Variants in EPHA3 observed in about 807,000 individuals in gnomAD.
EPHA3 encodes EPH receptor A3, also known as ephrin type-A receptor 3.
Under a neutral mutation model 107.1 loss-of-function variants are expected in EPHA3, and 42 were observed. The observed-to-expected ratio is 0.39, with a 90% CI of 0.31 to 0.51. The LOEUF (loss-of-function observed/expected upper bound fraction) is 0.51, where lower values mean the gene tolerates loss of function less well. Ranked by LOEUF, EPHA3 falls within the 20% of genes least tolerant of loss-of-function variation. The pLI is 0.78. For missense variants in EPHA3, 1,183 were observed against 1,211.2 expected (o/e 0.98, Z 0.35); for synonymous variants, 461 against 424.8 (o/e 1.09, Z -1.05).
intron 3 of EPHA3, among the ~76,000 whole-genome samples, chr3:89,266,839 T>C (rs780220560): frequency 2.6e-5 from 4 of 152,074 alleles, no homozygotes; most frequent in Non-Finnish European, 2.9e-5. Flanking sequence ...TATGATCACA[T>C]ACCAAATACA....
chr3:89,338,401 G>T (rs1349602188), intron 3 of EPHA3, among the ~76,000 whole-genome samples: 1 of 152,194 alleles, frequency 6.6e-6, no homozygotes, highest in Non-Finnish European at 1.5e-5. Flanking sequence ...CAATCACAAT[G>T]AAGTGATTGC....
intron 2 of EPHA3, among the ~76,000 whole-genome samples, chr3:89,209,455 T>A (rs1223479703): frequency 3.3e-5 from 5 of 152,174 alleles, no homozygotes; most frequent in Non-Finnish European, 5.9e-5. Flanking sequence ...TGGCACAAAT[T>A]GGGAAAAGAT....
rs565897036 is a variant in EPHA3, at chr3:89,209,933, A to T, written c.227A>T (p.His76Leu). The change falls in exon 3 of 17, where the codon CAC (histidine) becomes CTC (leucine). Residue 76 changes from histidine to leucine, a missense_variant. Coordinates refer to ENST00000336596, the MANE Select transcript of EPHA3 (RefSeq NM_005233.6). ...RTYQVCNVMD[H>L]SQNNWLRTNW... The stretch of plus-strand genomic sequence containing the variant: ...TACCAGGTGTGCAATGTCATGGACC[A>T]CAGTCAAAACAATTGGCTGAGAACA... The T allele has an allele frequency of 2.5e-6, 4 of 1,613,840 alleles. No individual in the cohort carries two copies. In the South Asian group the frequency reaches 3.3e-5, roughly 13 times the overall value.
chr3:89,425,209 C>CA (rs201001215), intron 11 of EPHA3, among the ~76,000 whole-genome samples: 2,154 of 148,674 alleles, frequency 0.014, 19 homozygotes, highest in Non-Finnish European at 0.021. Context: ...AAGAAACCCA[C>CA]AAAAAAAAAT....
At chr3:89,418,822 A>G (rs1205237533) in intron 10 of EPHA3, among the ~76,000 whole-genome samples, 4 of 151,472 alleles carry the variant, frequency 2.6e-5, no homozygotes, top group Non-Finnish European at 4.4e-5. Flanking sequence ...ATTTAATCCA[A>G]TGCTCACATT....
At chr3:89,139,506 C>A (rs537278655) in intron 2 of EPHA3, among the ~76,000 whole-genome samples, 16 of 151,804 alleles carry the variant, frequency 1.1e-4, no homozygotes, top group Admixed American at 6.6e-4. Flanking sequence ...GAAAAGGCAG[C>A]AAATAAGCCA....
chr3:89,369,003 T>C (rs2107468113), intron 5 of EPHA3, among the ~76,000 whole-genome samples: 1 of 150,624 alleles, frequency 6.6e-6, no homozygotes, highest in African/African-American at 2.4e-5. Flanking sequence ...TGACTCACAA[T>C]TTGAACTCAA....
intron 2 of EPHA3, among the ~76,000 whole-genome samples, chr3:89,193,402 A>T (rs538075185): frequency 2.2e-4 from 33 of 152,152 alleles, no homozygotes; most frequent in African/African-American, 7.7e-4. Flanking sequence ...TATTTTTCAC[A>T]ATTCAATTTG....
chr3:89,256,895 T>A (rs1378307884), intron 3 of EPHA3, among the ~76,000 whole-genome samples: 1 of 152,196 alleles, frequency 6.6e-6, no homozygotes, highest in Non-Finnish European at 1.5e-5. Context: ...TATGAGCACA[T>A]GTCCTTAGAG....
chr3:89,151,266 G>A (rs892769991), intron 2 of EPHA3, among the ~76,000 whole-genome samples: 3 of 152,052 alleles, frequency 2.0e-5, no homozygotes, highest in African/African-American at 4.8e-5. Flanking sequence ...GACATTCAGA[G>A]AATGTTTCAT....
intron 2 of EPHA3, among the ~76,000 whole-genome samples, chr3:89,177,012 A>G (rs1559586734): frequency 6.6e-6 from 1 of 152,046 alleles, no homozygotes; most frequent in Non-Finnish European, 1.5e-5. Flanking sequence ...TTTCTTAGAC[A>G]TTGACTAATT....
At chr3:89,345,787 C>A (rs1296861587) in intron 5 of EPHA3, among the ~76,000 whole-genome samples, 1 of 120,710 alleles carries the variant, frequency 8.3e-6, no homozygotes, top group Non-Finnish European at 1.7e-5. Flanking sequence ...CCACCACAGT[C>A]CCCAGAGTGT....
At chr3:89,277,924 T>TA (rs922105159) in intron 3 of EPHA3, among the ~76,000 whole-genome samples, 9 of 152,206 alleles carry the variant, frequency 5.9e-5, no homozygotes, top group African/African-American at 1.7e-4. Flanking sequence ...GTTTAACTCT[T>TA]ACTTCTCATA....
chr3:89,354,540 A>T (rs1479991830), intron 5 of EPHA3, among the ~76,000 whole-genome samples: 1 of 151,248 alleles, frequency 6.6e-6, no homozygotes, highest in Non-Finnish European at 1.5e-5. Context: ...TGCAATAAGT[A>T]TCCAAATTAC....
At chr3:89,411,666 G>T (rs536520994) in intron 9 of EPHA3, among the ~76,000 whole-genome samples, 85 of 151,964 alleles carry the variant, frequency 5.6e-4, no homozygotes, top group Admixed American at 3.9e-3. Flanking sequence ...TGGGTTTCAT[G>T]AAGTTGTCTT....
intron 2 of EPHA3, among the ~76,000 whole-genome samples, chr3:89,128,207 T>TA (rs1704132800): frequency 6.6e-6 from 1 of 152,122 alleles, no homozygotes; most frequent in Non-Finnish European, 1.5e-5. Flanking sequence ...ACACAATTTT[T>TA]TGATAGCACC....
chr3:89,374,815 T>C (rs1708372541), intron 5 of EPHA3, among the ~76,000 whole-genome samples: 2 of 151,736 alleles, frequency 1.3e-5, no homozygotes, highest in Admixed American at 1.3e-4. Context: ...CATAACAGAA[T>C]AAAAAACTAA....
At chr3:89,207,465 C>T (rs1706131971) in intron 2 of EPHA3, among the ~76,000 whole-genome samples, 1 of 152,018 alleles carries the variant, frequency 6.6e-6, no homozygotes, top group Non-Finnish European at 1.5e-5. Flanking sequence ...CTGTACATGG[C>T]CCAAACTGGG....
chr3:89,221,115 T>G (rs1421485771), intron 3 of EPHA3, among the ~76,000 whole-genome samples: 2 of 152,202 alleles, frequency 1.3e-5, no homozygotes, highest in African/African-American at 2.4e-5. Flanking sequence ...TTTCCTATGC[T>G]TCCTGGCAGA....
Sources: gnomAD v4.1 joint callset for allele counts (sites outside exome capture counted in the v4.1 genomes callset) on GRCh38, gnomAD v4.1.1 for gene constraint, MANE v1.5 for transcripts, NCBI Gene and HGNC (gene_info 2026-07-23, HGNC 2026-07-21) for gene names.